The following BRWD3 variants were observed in gnomAD, a reference collection of about 807,000 sequenced individuals.
The protein encoded by BRWD3 is bromodomain and WD repeat domain containing 3.
In BRWD3, 10 loss-of-function variants were observed where a neutral mutation model predicts 149.7. That is an observed-to-expected ratio of 0.07 (90% CI 0.04 to 0.11). The LOEUF is 0.11. BRWD3 is among the 10% of genes least tolerant of loss of function. The pLI is 1.00. For synonymous variants in BRWD3, 504 were observed against 456.7 expected, an observed-to-expected ratio of 1.10 and a Z score of -1.32; for missense variants, 940 against 1,373.2, an observed-to-expected ratio of 0.68 and a Z score of 4.99.
At chrX:80,712,360 G>A (rs1195355660) in intron 20 of BRWD3, among the ~76,000 whole-genome samples, 13 of 110,504 alleles carry the variant, frequency 1.2e-4, no homozygotes, top group Non-Finnish European at 2.3e-4. Context: ...TGTGTTGGCC[G>A]GGCTGGTCTC....
rs1399215693 is a variant in BRWD3 at position 80,709,816 on chromosome X, G to T, written c.2326-239C>A. On this transcript the variant is annotated intron_variant, in intron 20 of 40. Coordinates refer to ENST00000373275, the MANE Select transcript of BRWD3 (RefSeq NM_153252.5). ...ATTAAAGACAGTGCTGAAAAGTCTG[G>T]GTTGCAAAGTCCCACAGACTTCTCT... 1.3e-5 allele frequency: 6 copies of T among 466,390 alleles called. No homozygotes were observed. In the East Asian group the frequency reaches 1.5e-4, roughly 12 times the overall value. The allele number at this position is 466,390 out of a possible 1,213,427, so 38.4% of individuals were successfully genotyped here.
chrX:80,679,002 T>G (rs1191661030), intron 40 of BRWD3, among the ~76,000 whole-genome samples: 1 of 111,950 alleles, frequency 8.9e-6, no homozygotes, highest in East Asian at 2.8e-4. Flanking sequence ...TGTCTCTCTG[T>G]AGAGGCAAGG....
At chrX:80,729,041 T>C (rs992155006) in intron 13 of BRWD3, 136 bp from the exon 14 acceptor site, 22 of 522,148 alleles carry the variant, frequency 4.2e-5, no homozygotes, top group Admixed American at 1.0e-4. Flanking sequence ...TACCGTTAAG[T>C]ATTCATGAAA....
intron 24 of BRWD3, 78 bp from the exon 25 acceptor site, chrX:80,700,142 T>C (rs1221481719): frequency 8.7e-6 from 6 of 686,390 alleles, no homozygotes; most frequent in South Asian, 2.4e-5. Flanking sequence ...CCTACAAACA[T>C]CCTCTTCTGT....
intron 4 of BRWD3, among the ~76,000 whole-genome samples, chrX:80,801,062 A>G (rs1453222033): frequency 2.7e-5 from 3 of 109,388 alleles, no homozygotes; most frequent in Non-Finnish European, 5.7e-5. Flanking sequence ...AAGTCCAACA[A>G]AAGAACCCAG....
chrX:80,709,659 G>T, intron 20 of BRWD3, 82 bp from the exon 21 acceptor site: 1 of 853,095 alleles, frequency 1.2e-6, no homozygotes, highest in Non-Finnish European at 1.7e-6. Context: ...CAAATTAGGT[G>T]GGGGGTAGGG....
At chrX:80,695,822 G>C in intron 27 of BRWD3, 86 bp downstream of exon 27, 1 of 786,043 alleles carries the variant, frequency 1.3e-6, no homozygotes, top group Non-Finnish European at 1.9e-6. Context: ...TAAATGATAA[G>C]CTACTTTCTT....
At chrX:80,683,966 G>A (rs376361976) in intron 37 of BRWD3, 44 bp downstream of exon 37, 7 of 1,172,144 alleles carry the variant, frequency 6.0e-6, no homozygotes, top group Non-Finnish European at 8.1e-6. Flanking sequence ...TCAGTAACTG[G>A]TTAAAGAAAA....
rs34424596 is a variant in BRWD3 at position 80,777,143 on chromosome X, A to ACC, written c.430+14709_430+14710dup. Among the ~76,000 whole-genome samples the ACC allele has an allele frequency of 5.0e-3, 509 of 101,816 alleles. 6 individuals carry two copies. The highest frequency in any genetic ancestry group is 0.017 in the African/African-American group (470 of 27,403). The allele number at this position is 101,816 out of a possible 115,157, so 88.4% of individuals were successfully genotyped here. A position where few individuals can be genotyped will look rare whatever the true frequency, so the allele number is the denominator to read the frequency against. On this transcript the variant is annotated intron_variant, in intron 6 of 40. Coordinates refer to ENST00000373275, the MANE Select transcript of BRWD3 (RefSeq NM_153252.5). ...TCCTATCAAGAAAAGCACTCTTAAG[A>ACC]CCCCCCCCCACGAAAAACCTCCTGA...
chrX:80,713,514 C>G (rs1332617610), intron 20 of BRWD3, among the ~76,000 whole-genome samples: 1 of 109,086 alleles, frequency 9.2e-6, no homozygotes, highest in Non-Finnish European at 1.9e-5. Context: ...AGAGTCATCA[C>G]CACTCCCTAA....
At chrX:80,737,712 G>A (rs2073424501) in intron 8 of BRWD3, among the ~76,000 whole-genome samples, 1 of 112,214 alleles carries the variant, frequency 8.9e-6, no homozygotes, top group Non-Finnish European at 1.9e-5. Context: ...GCACATGCCT[G>A]TAATCCCAGC....
chrX:80,714,411 C>T (rs752769311), intron 20 of BRWD3, among the ~76,000 whole-genome samples: 10 of 109,075 alleles, frequency 9.2e-5, no homozygotes, highest in South Asian at 8.0e-4. Flanking sequence ...AAACCCTTAT[C>T]TTAATCCAGA....
chrX:80,779,277 T>G (rs765159126), intron 6 of BRWD3, among the ~76,000 whole-genome samples: 4 of 111,199 alleles, frequency 3.6e-5, no homozygotes, highest in Non-Finnish European at 7.5e-5. Flanking sequence ...ATTGTGCCAC[T>G]GCACTCCAGC....
intron 1 of BRWD3, 43 bp downstream of exon 1, chrX:80,809,398 C>T: frequency 4.5e-6 from 5 of 1,111,524 alleles, no homozygotes; most frequent in Non-Finnish European, 6.0e-6. Context: ...CGCTAAGCCC[C>T]CATTCCCTTA....
chrX:80,793,904 C>A, intron 4 of BRWD3, 132 bp from the exon 5 acceptor site: 1 of 705,644 alleles, frequency 1.4e-6, no homozygotes, highest in Non-Finnish European at 2.1e-6. Flanking sequence ...CAGGCCTGGG[C>A]GCGATGGCTC....
At chrX:80,769,045 T>C (rs1410932205) in intron 6 of BRWD3, among the ~76,000 whole-genome samples, 1 of 111,587 alleles carries the variant, frequency 9.0e-6, no homozygotes, top group Non-Finnish European at 1.9e-5. Flanking sequence ...GATCTAACTA[T>C]CCTAAATATA....
chrX:80,725,136 T>C (rs2073199028), intron 14 of BRWD3, 69 bp from the exon 15 acceptor site: 3 of 1,064,875 alleles, frequency 2.8e-6, no homozygotes, highest in Non-Finnish European at 3.9e-6. Context: ...AAAAAGGTCT[T>C]CAGTGTGCTA....
chrX:80,718,033 TA>T (rs1452993883), intron 18 of BRWD3, among the ~76,000 whole-genome samples: 1 of 111,570 alleles, frequency 9.0e-6, no homozygotes, highest in Admixed American at 9.5e-5. Flanking sequence ...TCAATGAATA[TA>T]AAAAAATGTA....
At chrX:80,719,393 T>C (rs1306898647) in intron 18 of BRWD3, 96 bp downstream of exon 18, 1 of 840,663 alleles carries the variant, frequency 1.2e-6, no homozygotes, top group African/African-American at 2.1e-5. Flanking sequence ...AAAGTTTTTA[T>C]TTATAAACGT....
Sources: gnomAD v4.1 joint callset for allele counts (sites outside exome capture counted in the v4.1 genomes callset) on GRCh38, gnomAD v4.1.1 for gene constraint, MANE v1.5 for transcripts, NCBI Gene and HGNC (gene_info 2026-07-23, HGNC 2026-07-21) for gene names.